ZNF804B: variants seen among roughly 807,000 people sequenced by gnomAD.
The protein encoded by ZNF804B is zinc finger protein 804B.
A neutral mutation model predicts 101.4 loss-of-function variants in ZNF804B; 80 were observed. The ratio of observed to expected loss-of-function variants is 0.79; its 90% CI spans 0.66 to 0.95. The LOEUF (loss-of-function observed/expected upper bound fraction) is 0.95, where lower values mean the gene tolerates loss of function less well. Among genes scored for constraint, ZNF804B ranks in the 40% least tolerant of loss-of-function variants. The pLI is 0.00. For synonymous variants in ZNF804B, 622 were observed against 558.8 expected (o/e 1.11, Z -1.59); for missense variants, 1,673 against 1,561.9 (o/e 1.07, Z -1.20).
intron 1 of ZNF804B, among the ~76,000 whole-genome samples, chr7:88,956,130 T>C (rs1011678559): frequency 6.6e-6 from 1 of 151,598 alleles, no homozygotes; most frequent in African/African-American, 2.4e-5. Context: ...CTATTCCCTG[T>C]TGGTGAGAAT....
chr7:88,759,733 C>G lies in ZNF804B; in HGVS notation c.-244C>G, dbSNP rs1789855710. On this transcript the variant is annotated 5_prime_UTR_variant, in exon 1 of 4. Transcript: ENST00000333190. ...CGTCAGAGCAGCATGTGGACTGGCT[C>G]GCCGGGTCCCCTCCGTGCTCTGTGC... The G allele has an allele frequency of 5.6e-6, 3 of 539,584 alleles. No individual in the cohort carries two copies. In the East Asian group the frequency reaches 9.2e-5, roughly 17 times the overall value. The allele number at this position is 539,584 out of a possible 1,614,324, so 33.4% of individuals were successfully genotyped here.
At chr7:88,858,621 C>G (rs893259405) in intron 1 of ZNF804B, among the ~76,000 whole-genome samples, 3 of 152,072 alleles carry the variant, frequency 2.0e-5, no homozygotes, top group Non-Finnish European at 2.9e-5. Flanking sequence ...AATGAACATA[C>G]TGGGGTACTT....
intron 1 of ZNF804B, among the ~76,000 whole-genome samples, chr7:89,054,196 A>G (rs1206900370): frequency 2.6e-5 from 4 of 151,396 alleles, no homozygotes; most frequent in Non-Finnish European, 5.9e-5. Flanking sequence ...CTTCTCTGGC[A>G]TTTGCCCTGT....
chr7:89,171,277 A>ATGCTGCTGCTGC (rs55857746), intron 1 of ZNF804B, among the ~76,000 whole-genome samples: 1,638 of 109,882 alleles, frequency 0.015, 69 homozygotes, highest in Admixed American at 0.027. Flanking sequence ...GGCACAAATA[A>ATGCTGCTGCTGC]TGCTGCTGCT....
At chr7:88,778,807 A>G (rs2115653893) in intron 1 of ZNF804B, among the ~76,000 whole-genome samples, 1 of 152,314 alleles carries the variant, frequency 6.6e-6, no homozygotes, top group African/African-American at 2.4e-5. Context: ...GCATTGTACT[A>G]GCTGGTGGAG....
Position 89,333,519 on chromosome 7 carries a change from T to C in ZNF804B, c.537T>C (p.Asp179=). The change falls in exon 4 of 4, where the codon GAT becomes GAC. Residue 179 remains aspartate, a synonymous_variant. Coordinates refer to ENST00000333190, the MANE Select transcript of ZNF804B (RefSeq NM_181646.5). Reference sequence around the variant, plus strand: ...AAAATCTCCCCAGAATCATATCCGATAAACAGCGGTCCACCATGCCAAATC... The same window carrying C: ...AAAATCTCCCCAGAATCATATCCGACAAACAGCGGTCCACCATGCCAAATC... ...KGKNLPRIIS[D]KQRSTMPNRH... is the part of the protein sequence containing the mutation. 6.2e-7 allele frequency: 1 copy of C among 1,613,478 alleles called. No homozygotes were observed. Among genetic ancestry groups the C allele is most frequent in the Non-Finnish European group, 8.5e-7 (1 of 1,179,642 alleles).
intron 1 of ZNF804B, among the ~76,000 whole-genome samples, chr7:89,090,271 G>A (rs1401841471): frequency 1.3e-5 from 2 of 151,908 alleles, no homozygotes; most frequent in Admixed American, 6.6e-5. Flanking sequence ...CTCATAGAAG[G>A]TTCCTGGAAT....
chr7:89,277,663 T>C (rs1719955380), intron 2 of ZNF804B, among the ~76,000 whole-genome samples: 1 of 151,646 alleles, frequency 6.6e-6, no homozygotes, highest in Non-Finnish European at 1.5e-5. Context: ...TCCATGTCCC[T>C]ACAAAGGACA....
At chr7:89,211,314 G>A (rs118133389) in intron 1 of ZNF804B, among the ~76,000 whole-genome samples, 5,854 of 152,192 alleles carry the variant, frequency 0.038, 112 homozygotes, top group Admixed American at 0.045. Context: ...TCTGATGATA[G>A]TGGGTTTTTT....
At chr7:88,997,982 C>T (rs1173379348) in intron 1 of ZNF804B, among the ~76,000 whole-genome samples, 1 of 152,018 alleles carries the variant, frequency 6.6e-6, no homozygotes, top group Admixed American at 6.6e-5. Flanking sequence ...GATCTTAGCA[C>T]TCTTATTAGC....
intron 2 of ZNF804B, among the ~76,000 whole-genome samples, chr7:89,267,296 GTA>G (rs2115828667): frequency 6.6e-6 from 1 of 151,974 alleles, no homozygotes; most frequent in East Asian, 1.9e-4. Flanking sequence ...TCTCTGTTTT[GTA>G]TATTCTACAC....
chr7:89,323,981 A>C (rs1480584325), intron 2 of ZNF804B, among the ~76,000 whole-genome samples: 1 of 152,072 alleles, frequency 6.6e-6, no homozygotes, highest in East Asian at 1.9e-4. Context: ...AATTTGGGCT[A>C]AGCCAAAACA....
chr7:89,265,810 T>C (rs780763922), intron 2 of ZNF804B, among the ~76,000 whole-genome samples: 4 of 152,168 alleles, frequency 2.6e-5, no homozygotes, highest in Non-Finnish European at 5.9e-5. Flanking sequence ...ATCTGTGTGT[T>C]TCTTGACCCC....
chr7:88,797,583 C>T (rs1790506660), intron 1 of ZNF804B, among the ~76,000 whole-genome samples: 1 of 152,088 alleles, frequency 6.6e-6, no homozygotes, highest in Admixed American at 6.6e-5. Context: ...TGTTACCTAA[C>T]ACAGCTACTG....
intron 1 of ZNF804B, among the ~76,000 whole-genome samples, chr7:88,851,853 G>A (rs1446482828): frequency 6.6e-6 from 1 of 152,058 alleles, no homozygotes; most frequent in East Asian, 1.9e-4. Flanking sequence ...TGCAAAATTT[G>A]GTAAGGGAGA....
chr7:89,146,985 C>T (rs915899483), intron 1 of ZNF804B, among the ~76,000 whole-genome samples: 15 of 151,222 alleles, frequency 9.9e-5, no homozygotes, highest in African/African-American at 3.6e-4. Context: ...GCCAAGATTG[C>T]GCCACTGCAC....
intron 2 of ZNF804B, among the ~76,000 whole-genome samples, chr7:89,263,330 A>T (rs1309995758): frequency 6.7e-6 from 1 of 150,052 alleles, no homozygotes; most frequent in Non-Finnish European, 1.5e-5. Flanking sequence ...TTAATGTTTT[A>T]TTTTAAAGTT....
intron 1 of ZNF804B, among the ~76,000 whole-genome samples, chr7:88,876,956 A>T (rs997436240): frequency 7.0e-5 from 10 of 142,116 alleles, no homozygotes; most frequent in African/African-American, 2.6e-4. Context: ...TACCTTAAAA[A>T]CATCATCTGA....
intron 1 of ZNF804B, among the ~76,000 whole-genome samples, chr7:88,931,246 G>A (rs1192014428): frequency 6.6e-6 from 1 of 151,748 alleles, no homozygotes; most frequent in African/African-American, 2.4e-5. Flanking sequence ...AAATACCAAA[G>A]AATCAAATCC....
Sources: gnomAD v4.1 joint callset for allele counts (sites outside exome capture counted in the v4.1 genomes callset) on GRCh38, gnomAD v4.1.1 for gene constraint, MANE v1.5 for transcripts, NCBI Gene and HGNC (gene_info 2026-07-23, HGNC 2026-07-21) for gene names.